EIF5: variants seen among roughly 807,000 people sequenced by gnomAD.
EIF5 encodes eukaryotic translation initiation factor 5.
In EIF5, 10 loss-of-function variants were observed where a neutral mutation model predicts 48.3. That is an observed-to-expected ratio of 0.21 (90% CI 0.13 to 0.35). The LOEUF (loss-of-function observed/expected upper bound fraction) is 0.35. EIF5 is among the 10% of genes least tolerant of loss of function. The pLI is 1.00. For synonymous variants in EIF5, 237 were observed against 173.1 expected (o/e 1.37, Z -2.90); for missense variants, 397 against 533.2 (o/e 0.74, Z 2.51).
chr14:103,337,444 A>G, intron 6 of EIF5: 1 of 523,086 alleles, frequency 1.9e-6, no homozygotes, highest in Non-Finnish European at 3.4e-6. Flanking sequence ...TCTACTAAAA[A>G]CACAAAAACT....
Position 103,340,445 on chromosome 14 carries a change from T to G in EIF5, c.1090T>G (p.Ser364Ala). 1 of 1,603,358 alleles carries G rather than the reference T, an allele frequency of 6.2e-7. No individual in the cohort carries two copies. The highest frequency in any genetic ancestry group is 8.5e-7 in the Non-Finnish European group (1 of 1,170,886). Residue 364 changes from serine to alanine, a missense_variant, in exon 11 of 12, where the codon TCC (serine) becomes GCC (alanine). By Grantham distance (99) the Ser-to-Ala change is moderately conservative. This residue lies in a region of EIF5 where 160 missense variants were observed against 184.8 expected (regional missense o/e 0.87). Transcript: ENST00000216554. ...TTTTTAGGCCTCTAAGAAATATGTCTCCAAAGAACTTGCCAAAGAGATTCG... is the reference window on the plus strand; with the variant it reads ...TTTTTAGGCCTCTAAGAAATATGTCGCCAAAGAACTTGCCAAAGAGATTCG... Reference protein sequence around the residue: ...WSEKASKKYVSKELAKEIRVK... With the variant: ...WSEKASKKYVAKELAKEIRVK...
At chr14:103,337,789 A>G (rs1333004886) in intron 6 of EIF5, 2 of 461,210 alleles carry the variant, frequency 4.3e-6, no homozygotes, top group East Asian at 5.7e-5. Flanking sequence ...AACCCAGCAA[A>G]GTTTCTTTTA....
Position 103,336,661 on chromosome 14 carries a change from T to C in EIF5, c.155-16T>C. On this transcript the variant is annotated splice_polypyrimidine_tract_variant and intron_variant, in intron 4 of 11. Coordinates refer to ENST00000216554, the MANE Select transcript of EIF5 (RefSeq NM_001969.5). The stretch of plus-strand genomic sequence containing the variant: ...AGTTAACTGTAACGATCCAAACTCC[T>C]TTTTCATTCAAATAGATCCCACCAA... 1 of 1,594,754 alleles carries C rather than the reference T, an allele frequency of 6.3e-7. No individual in the cohort carries two copies. Among genetic ancestry groups the C allele is most frequent in the Non-Finnish European group, 8.5e-7 (1 of 1,172,080 alleles).
At position 103,341,367 on chromosome 14, in the gene EIF5, T is replaced by A. The variant is rs1393484402; in HGVS notation, c.*315T>A. ...TGATTTTGGTCGTTCTTCAGATGTT[T>A]GGCTCTGAATGACTTAAGCTGAAGT... is the stretch of plus-strand genomic sequence containing the variant. On this transcript the variant is annotated 3_prime_UTR_variant, in exon 12 of 12. Coordinates refer to ENST00000216554, the MANE Select transcript of EIF5 (RefSeq NM_001969.5). 1 of 217,344 alleles carries A rather than the reference T, an allele frequency of 4.6e-6. No individual in the cohort carries two copies. Among genetic ancestry groups the A allele is most frequent in the Non-Finnish European group, 9.5e-6 (1 of 105,420 alleles). 13.5% of individuals were successfully genotyped at this position (217,344 alleles called of 1,614,324 possible).
chr14:103,336,183 C>T, intron 4 of EIF5, 66 bp downstream of exon 4: 2 of 1,476,788 alleles, frequency 1.4e-6, no homozygotes, highest in Non-Finnish European at 1.9e-6. Context: ...CTTTGAGCTG[C>T]AAAACTTGTT....
rs1203136882 is a variant in EIF5 at position 103,338,376 on chromosome 14, A to G, written c.489A>G (p.Arg163=). Residue 163 remains arginine, a synonymous_variant, in exon 7 of 12, where the codon AGA becomes AGG. Transcript: ENST00000216554. ...AGAAAGAAAAAGAAAAGAAAAACAG[A>G]AAGGGCAAAGACAAGGAAAATGGCT... ...TGKKEKEKKN[R]KGKDKENGSV... The G allele has an allele frequency of 6.2e-7, 1 of 1,613,876 alleles. No individual in the cohort carries two copies. Among genetic ancestry groups the G allele is most frequent in the African/African-American group, 1.3e-5 (1 of 74,926 alleles).
rs143595557 is a variant in EIF5, at chr14:103,338,855, A to C, written c.706A>C (p.Ile236Leu). 6.2e-7 allele frequency: 1 copy of C among 1,614,108 alleles called. No homozygotes were observed. Among genetic ancestry groups the C allele is most frequent in the African/African-American group, 1.3e-5 (1 of 74,944 alleles). ...LTLSDDLERT[I>L]EERVNILFDF... ...ACTCAGTGATGATTTGGAAAGAACA[A>C]TTGAGGAGAGGGTCAATATCCTCTT... The change falls in exon 8 of 12, where the codon ATT becomes CTT. Residue 236 changes from isoleucine to leucine, a missense_variant. Physicochemically the swap from Ile to Leu is conservative, Grantham distance 5. Around this residue, in one of 4 missense-constraint regions of EIF5, gnomAD observed 126 missense variants for 141.9 expected, o/e 0.89. Coordinates refer to ENST00000216554, the MANE Select transcript of EIF5 (RefSeq NM_001969.5).
In EIF5 at chr14:103,337,944, T is replaced by C. The variant is rs768231628; in HGVS notation, c.440-383T>C. ...ACCTATTCCGGTGTTCTCTCTCCCA[T>C]GAGACAAGCCGTTATATAGACTTAA... On this transcript the variant is annotated intron_variant, in intron 6 of 11. Transcript: ENST00000216554. The C allele has an allele frequency of 5.8e-5, 31 of 530,498 alleles. No homozygotes were observed. The East Asian group carries it at 1.6e-3, about 28-fold the overall frequency. 32.9% of individuals were successfully genotyped at this position (530,498 alleles called of 1,614,324 possible).
At chr14:103,340,823 T>C (rs1299325350) in intron 11 of EIF5, 140 bp from the exon 12 acceptor site, 1 of 936,010 alleles carries the variant, frequency 1.1e-6, no homozygotes, top group Non-Finnish European at 1.6e-6. Context: ...GAACTTGCAG[T>C]GTTTGCATAA....
Position 103,339,701 on chromosome 14 carries a change from A to G in EIF5, c.969A>G (p.Ala323=), listed in dbSNP as rs2089330727. ...TTCATGGTTTGGAGTGTGTGGTAGC[A>G]ATGCATCAAGCTCAGCTTATCTCCA... ...YLLHGLECVV[A]MHQAQLISKI... The change falls in exon 10 of 12, where the codon GCA becomes GCG. Residue 323 remains alanine (A), a synonymous_variant. Coordinates refer to ENST00000216554, the MANE Select transcript of EIF5 (RefSeq NM_001969.5). 1.9e-6 allele frequency: 3 copies of G among 1,614,116 alleles called. No individual in the cohort carries two copies. Among genetic ancestry groups the G allele is most frequent in the South Asian group, 2.2e-5 (2 of 91,088 alleles).
At chr14:103,337,323 G>A (rs2089298746) in intron 6 of EIF5, 96 bp downstream of exon 6, 1 of 1,054,692 alleles carries the variant, frequency 9.5e-7, no homozygotes, top group Middle Eastern at 2.1e-4. Flanking sequence ...ATGTAAGGGA[G>A]ACTGGGCACG....
At chr14:103,337,003 G>A (rs1170311833) in intron 5 of EIF5, 113 bp from the exon 6 acceptor site, 3 of 1,342,092 alleles carry the variant, frequency 2.2e-6, no homozygotes, top group East Asian at 2.4e-5. Context: ...TTTAAAGTAG[G>A]TCACTGTGTG....
In EIF5 at chr14:103,341,119, G is replaced by C; in HGVS notation, c.*67G>C. 1 of 1,458,338 alleles carries C rather than the reference G, an allele frequency of 6.9e-7. No individual in the cohort carries two copies. The highest frequency in any genetic ancestry group is 9.6e-7 in the Non-Finnish European group (1 of 1,041,102). 90.3% of individuals were successfully genotyped at this position (1,458,338 alleles called of 1,614,324 possible). A position where few individuals can be genotyped will look rare whatever the true frequency, so the allele number is the denominator to read the frequency against. On this transcript the variant is annotated 3_prime_UTR_variant, in exon 12 of 12. Transcript: ENST00000216554. ...TTTTCCTCCATTATCAGCCAGAAGTGCAACATGTATGTGCAAAAGCTAAAA... is the reference window on the plus strand; with the variant it reads ...TTTTCCTCCATTATCAGCCAGAAGTCCAACATGTATGTGCAAAAGCTAAAA...
rs2089331836 is a variant in EIF5 at position 103,339,819 on chromosome 14, G to A, written c.1071+16G>A. On this transcript the variant is annotated intron_variant, in intron 10 of 11. Coordinates refer to ENST00000216554, the MANE Select transcript of EIF5 (RefSeq NM_001969.5). ...GTCGGAAAAGGTGGGGAATACATAGGTGGGCTCTTAAAGTTCACAGGTTTT... is the reference window on the plus strand; with the variant it reads ...GTCGGAAAAGGTGGGGAATACATAGATGGGCTCTTAAAGTTCACAGGTTTT... The A allele has an allele frequency of 6.2e-7, 1 of 1,609,528 alleles. No individual in the cohort carries two copies. Among genetic ancestry groups the A allele is most frequent in the African/African-American group, 1.3e-5 (1 of 74,588 alleles).
intron 2 of EIF5, chr14:103,335,265 G>C (rs2089271358): frequency 1.3e-5 from 2 of 154,856 alleles, no homozygotes. Context: ...GACGAACGGG[G>C]GTGTGCCTGA....
chr14:103,342,700 G>C lies in EIF5; in HGVS notation c.*1648G>C, dbSNP rs1410820307. On this transcript the variant is annotated 3_prime_UTR_variant, in exon 12 of 12. Coordinates refer to ENST00000216554, the MANE Select transcript of EIF5 (RefSeq NM_001969.5). Reference sequence around the variant, plus strand: ...GAGAGACAAGAATTGGTCTCCAGCTGCCTTTGATCAAGATTCGGGTGCAAG... The same window carrying C: ...GAGAGACAAGAATTGGTCTCCAGCTCCCTTTGATCAAGATTCGGGTGCAAG... The C allele has an allele frequency of 6.6e-6, 1 of 152,670 alleles. No individual in the cohort carries two copies. The highest frequency in any genetic ancestry group is 2.1e-4 in the South Asian group (1 of 4,834). The allele number at this position is 152,670 out of a possible 1,614,324, so 9.5% of individuals were successfully genotyped here.
chr14:103,334,747 C>T (rs2089262511), intron 2 of EIF5, 150 bp downstream of exon 2: 1 of 147,640 alleles, frequency 6.8e-6, no homozygotes, highest in South Asian at 2.1e-4. Context: ...CGCGCGCTCC[C>T]CGGCCCGGCC....
chr14:103,340,399 C>T (rs2089339203), intron 10 of EIF5, 28 bp from the exon 11 acceptor site: 1 of 1,584,618 alleles, frequency 6.3e-7, no homozygotes, highest in Non-Finnish European at 8.6e-7. Context: ...AATTCCTCAA[C>T]TAAGAGACTT....
At position 103,341,174 on chromosome 14, in the gene EIF5, A is replaced by G; in HGVS notation, c.*122A>G. On this transcript the variant is annotated 3_prime_UTR_variant, in exon 12 of 12. Transcript: ENST00000216554. ...TTAACATCATGCTACACTTTACACT[A>G]AAAATCTATTACTGTGAGTGGTCTG... The G allele has an allele frequency of 1.2e-6, 1 of 822,314 alleles. No individual in the cohort carries two copies. Among genetic ancestry groups the G allele is most frequent in the Non-Finnish European group, 2.0e-6 (1 of 499,572 alleles). 50.9% of individuals were successfully genotyped at this position (822,314 alleles called of 1,614,324 possible).
Sources: gnomAD v4.1 joint callset for allele counts on GRCh38, gnomAD v4.1.1 for gene constraint, gnomAD v4.1.1 regional missense constraint, MANE v1.5 for transcripts, NCBI Gene and HGNC (gene_info 2026-07-23, HGNC 2026-07-21) for gene names.